Variants in PRSS23 observed in about 807,000 individuals in gnomAD.
PRSS23 encodes protease, serine 23.
In PRSS23, 25 loss-of-function variants were observed where a neutral mutation model predicts 34.7. The ratio of observed to expected loss-of-function variants is 0.72; its 90% CI spans 0.53 to 1.01. The LOEUF (loss-of-function observed/expected upper bound fraction) is 1.01. Ranked by LOEUF, PRSS23 falls within the 50% of genes least tolerant of loss-of-function variation. PRSS23 has a pLI of 0.00. For missense variants in PRSS23, 445 were observed against 475.6 expected, an observed-to-expected ratio of 0.94 and a Z score of 0.60; for synonymous variants, 176 against 186.6, an observed-to-expected ratio of 0.94 and a Z score of 0.46.
At chr11:86,828,915 G>T (rs1948326757) in intron 2 of PRSS23, among the ~76,000 whole-genome samples, 1 of 152,102 alleles carries the variant, frequency 6.6e-6, no homozygotes, top group African/African-American at 2.4e-5. Context: ...TTTCTCTCTG[G>T]CTGCCCTTAA....
chr11:86,951,480 T>G lies in PRSS23; in HGVS notation c.*195T>G. ...ATCAGTCTTTCTAACTTGTCTGTCT[T>G]TGTCCCATCCTTTTGAAGATTTGAC... On this transcript the variant is annotated 3_prime_UTR_variant, in exon 3 of 3. Coordinates refer to the PRSS23 transcript ENST00000533902. The G allele has an allele frequency of 6.2e-7, 1 of 1,614,182 alleles. No homozygotes were observed. The highest frequency in any genetic ancestry group is 8.5e-7 in the Non-Finnish European group (1 of 1,180,002).
intron 2 of PRSS23, chr11:86,937,131 C>G (rs1376390575): frequency 2.0e-5 from 3 of 152,148 alleles, no homozygotes; most frequent in African/African-American, 7.2e-5. Context: ...AAGGTGTTAG[C>G]TCCTACTGAC....
chr11:86,864,576 C>T (rs555755589), intron 2 of PRSS23, among the ~76,000 whole-genome samples: 7 of 152,262 alleles, frequency 4.6e-5, no homozygotes, highest in East Asian at 1.9e-4. Flanking sequence ...GGACACCTCT[C>T]ATCATCTGGC....
chr11:86,852,570 A>C (rs1429657567), intron 2 of PRSS23, among the ~76,000 whole-genome samples: 2 of 152,094 alleles, frequency 1.3e-5, no homozygotes, highest in Non-Finnish European at 1.5e-5. Context: ...AAAAATTATA[A>C]ATATATATTA....
chr11:86,867,390 C>T (rs1360426086), intron 2 of PRSS23, among the ~76,000 whole-genome samples: 1 of 152,204 alleles, frequency 6.6e-6, no homozygotes, highest in Non-Finnish European at 1.5e-5. Flanking sequence ...ACAACTGTCT[C>T]CTAGATCAAA....
chr11:86,825,083 T>C (rs1317755763), intron 2 of PRSS23, among the ~76,000 whole-genome samples: 3 of 152,072 alleles, frequency 2.0e-5, no homozygotes, highest in Non-Finnish European at 4.4e-5. Flanking sequence ...TGAACTAGTT[T>C]ACAGTCCCAC....
chr11:86,802,665 A>G (rs774109967), intron 1 of PRSS23, among the ~76,000 whole-genome samples: 1 of 152,202 alleles, frequency 6.6e-6, no homozygotes, highest in Admixed American at 6.5e-5. Context: ...CACAATTTGT[A>G]CAATAGAGAA....
At chr11:86,944,372 G>A (rs907586225) in intron 2 of PRSS23, among the ~76,000 whole-genome samples, 29 of 152,032 alleles carry the variant, frequency 1.9e-4, no homozygotes, top group African/African-American at 6.0e-4. Flanking sequence ...ATAAGGTCAC[G>A]TTCACAGGTA....
intron 1 of PRSS23, chr11:86,821,845 A>G: frequency 2.1e-6 from 1 of 481,952 alleles, no homozygotes; most frequent in South Asian, 4.1e-5. Context: ...TATTGGCTCG[A>G]TTTAATAAGT....
chr11:86,919,907 C>T (rs2135002352), intron 2 of PRSS23, among the ~76,000 whole-genome samples: 1 of 152,338 alleles, frequency 6.6e-6, no homozygotes, highest in South Asian at 2.1e-4. Context: ...CTAACCTGGT[C>T]TCCCCCTAGA....
chr11:86,802,434 G>A (rs1054480778), intron 1 of PRSS23, among the ~76,000 whole-genome samples: 5 of 152,164 alleles, frequency 3.3e-5, no homozygotes, highest in African/African-American at 1.2e-4. Context: ...CTGTGATTCA[G>A]GAAAACGAGA....
intron 2 of PRSS23, among the ~76,000 whole-genome samples, chr11:86,897,254 A>G (rs1336546662): frequency 1.3e-5 from 2 of 152,196 alleles, no homozygotes; most frequent in Non-Finnish European, 2.9e-5. Context: ...TGTTGCACAT[A>G]AAGTGCTTTT....
intron 2 of PRSS23, among the ~76,000 whole-genome samples, chr11:86,879,756 C>T (rs1232591777): frequency 1.6e-5 from 2 of 124,704 alleles, no homozygotes; most frequent in Admixed American, 7.9e-5. Context: ...CCAGCCGCCC[C>T]GTCCGGGAGG....
intron 2 of PRSS23, chr11:86,945,878 T>C (rs1949238461): frequency 6.6e-6 from 1 of 152,602 alleles, no homozygotes; most frequent in South Asian, 2.1e-4. Context: ...TGGTACCTCT[T>C]TGTCAAACAT....
chr11:86,897,248 G>A (rs1948882672), intron 2 of PRSS23, among the ~76,000 whole-genome samples: 2 of 152,170 alleles, frequency 1.3e-5, no homozygotes. Context: ...AAGAACTGTT[G>A]CACATAAAGT....
At chr11:86,943,722 G>C (rs1179948161) in intron 2 of PRSS23, among the ~76,000 whole-genome samples, 1 of 152,098 alleles carries the variant, frequency 6.6e-6, no homozygotes, top group Non-Finnish European at 1.5e-5. Flanking sequence ...ATCACAAACT[G>C]GGTGGCCAAA....
chr11:86,896,982 C>T (rs984185696), intron 2 of PRSS23, among the ~76,000 whole-genome samples: 2 of 152,182 alleles, frequency 1.3e-5, no homozygotes, highest in Non-Finnish European at 2.9e-5. Context: ...CCAGCAGGGC[C>T]GCTTTGCAAA....
In PRSS23 at chr11:86,808,132, C is replaced by A; in HGVS notation, c.489C>A (p.Thr163=). 6.2e-7 allele frequency: 1 copy of A among 1,614,214 alleles called. No individual in the cohort carries two copies. Among genetic ancestry groups the A allele is most frequent in the East Asian group, 2.2e-5 (1 of 44,886 alleles). Residue 163 remains threonine (T), a synonymous_variant, in exon 2 of 2, where the codon ACC becomes ACA. Coordinates refer to ENST00000280258, the MANE Select transcript of PRSS23 (RefSeq NM_007173.6). ...SVKLSTGCTG[T]LVAEKHVLTA... is the part of the protein sequence containing the mutation. The stretch of plus-strand genomic sequence containing the variant: ...AGTTATCCACGGGCTGCACCGGCAC[C>A]CTGGTGGCAGAGAAGCATGTCCTCA...
chr11:86,808,806 C>T lies in PRSS23; in HGVS notation c.*11C>T, dbSNP rs1793669350. Reference sequence around the variant, plus strand: ...TGTAGGGAGGGGTGACACAGTGTTCCCTCCTGGCAGCAATTAAGGGTCTTC... The same window carrying T: ...TGTAGGGAGGGGTGACACAGTGTTCTCTCCTGGCAGCAATTAAGGGTCTTC... On this transcript the variant is annotated 3_prime_UTR_variant, in exon 2 of 2. Transcript: ENST00000280258. The T allele has an allele frequency of 1.9e-6, 3 of 1,589,866 alleles. No homozygotes were observed. Among genetic ancestry groups the T allele is most frequent in the Non-Finnish European group, 2.6e-6 (3 of 1,166,998 alleles).
Sources: allele counts gnomAD v4.1 joint callset (sites outside exome capture counted in the v4.1 genomes callset), GRCh38; gene constraint gnomAD v4.1.1; transcripts MANE v1.5; gene names NCBI Gene and HGNC (gene_info 2026-07-23, HGNC 2026-07-21).